Variants in KLF7 observed in about 807,000 individuals in gnomAD.
The protein encoded by KLF7 is KLF transcription factor 7.
In KLF7, 2 loss-of-function variants were observed where a neutral mutation model predicts 27.3. The ratio of observed to expected loss-of-function variants is 0.07; its 90% CI spans 0.03 to 0.23. KLF7 has a LOEUF of 0.23. KLF7 is among the 10% of genes least tolerant of loss of function. KLF7 has a pLI of 1.00. For missense variants in KLF7, 221 were observed against 394.1 expected, an observed-to-expected ratio of 0.56 and a Z score of 3.72; for synonymous variants, 165 against 162.4, an observed-to-expected ratio of 1.02 and a Z score of -0.12.
chr2:207,126,608 T>C (rs2077481787), intron 1 of KLF7, among the ~76,000 whole-genome samples: 1 of 152,154 alleles, frequency 6.6e-6, no homozygotes, highest in Non-Finnish European at 1.5e-5. Flanking sequence ...AAAATCAGTA[T>C]GCCTGGGCAA....
chr2:207,157,930 A>T (rs1254976859), intron 1 of KLF7, among the ~76,000 whole-genome samples: 1 of 152,154 alleles, frequency 6.6e-6, no homozygotes, highest in Non-Finnish European at 1.5e-5. Context: ...CCGTGGAAGA[A>T]GTTGATGAGT....
intron 2 of KLF7, among the ~76,000 whole-genome samples, chr2:207,110,778 G>A (rs939869275): frequency 5.9e-5 from 9 of 152,288 alleles, no homozygotes; most frequent in Admixed American, 1.3e-4. Flanking sequence ...TTTCCATTTA[G>A]TCAATATTGT....
At chr2:207,108,371 C>T (rs2076937349) in intron 2 of KLF7, among the ~76,000 whole-genome samples, 1 of 152,130 alleles carries the variant, frequency 6.6e-6, no homozygotes, top group Admixed American at 6.5e-5. Flanking sequence ...AGATTATTTC[C>T]ACGGCAGGTA....
chr2:207,087,335 A>G (rs991575853), intron 3 of KLF7, among the ~76,000 whole-genome samples: 1 of 152,150 alleles, frequency 6.6e-6, no homozygotes, highest in African/African-American at 2.4e-5. Context: ...GAAGAAAAAC[A>G]TAACTGCTCC....
intron 1 of KLF7, among the ~76,000 whole-genome samples, chr2:207,156,022 C>A (rs938435657): frequency 6.6e-6 from 1 of 152,204 alleles, no homozygotes; most frequent in African/African-American, 2.4e-5. Flanking sequence ...CCTTGCAGGG[C>A]AATTGCTCCA....
chr2:207,105,827 C>T (rs752837334), intron 2 of KLF7, among the ~76,000 whole-genome samples: 13 of 152,146 alleles, frequency 8.5e-5, no homozygotes, highest in Non-Finnish European at 1.6e-4. Flanking sequence ...CAGACCTGCA[C>T]GATCCAGTCT....
Position 207,078,554 on chromosome 2 carries a change from G to A in KLF7, c.*2659C>T, listed in dbSNP as rs2076215128. ...AAACCCTTAATAATAGCATTCGAGAGGCAAGAGCAGCTCCAGCTTGGGAGA... is the reference window on the plus strand; with the variant it reads ...AAACCCTTAATAATAGCATTCGAGAAGCAAGAGCAGCTCCAGCTTGGGAGA... On this transcript the variant is annotated 3_prime_UTR_variant, in exon 4 of 4. Transcript: ENST00000309446. 1 of 152,252 alleles carries A rather than the reference G, an allele frequency of 6.6e-6. No individual in the cohort carries two copies. Among genetic ancestry groups the A allele is most frequent in the African/African-American group, 2.4e-5 (1 of 41,464 alleles). 9.4% of individuals were successfully genotyped at this position (152,252 alleles called of 1,614,324 possible). A position where few individuals can be genotyped will look rare whatever the true frequency, so the allele number is the denominator to read the frequency against.
At chr2:207,081,695 T>C (rs1483500014) in intron 3 of KLF7, among the ~76,000 whole-genome samples, 7 of 152,150 alleles carry the variant, frequency 4.6e-5, no homozygotes, top group Non-Finnish European at 8.8e-5. Flanking sequence ...CATGCCTGCA[T>C]ACTGTAAATA....
intron 1 of KLF7, chr2:207,134,159 T>TTC: frequency 4.1e-6 from 6 of 1,470,324 alleles, no homozygotes; most frequent in Non-Finnish European, 5.4e-6. Flanking sequence ...CTGGGATTTT[T>TTC]TTTTTTTTTT....
chr2:207,096,031 G>A (rs1368766233), intron 2 of KLF7, among the ~76,000 whole-genome samples: 3 of 152,030 alleles, frequency 2.0e-5, no homozygotes, highest in Non-Finnish European at 2.9e-5. Context: ...AAACCCCATC[G>A]ACTCAAGCTT....
intron 2 of KLF7, among the ~76,000 whole-genome samples, chr2:207,104,445 C>T (rs1260760397): frequency 1.3e-5 from 2 of 152,184 alleles, no homozygotes; most frequent in African/African-American, 4.8e-5. Context: ...ACTTGTGGTC[C>T]AATTCCACCC....
chr2:207,145,751 T>C (rs1182890736), intron 1 of KLF7, among the ~76,000 whole-genome samples: 2 of 152,184 alleles, frequency 1.3e-5, no homozygotes, highest in African/African-American at 4.8e-5. Flanking sequence ...GGTCCACCTC[T>C]AGACTTTAAG....
intron 2 of KLF7, among the ~76,000 whole-genome samples, chr2:207,111,967 G>C (rs944634338): frequency 6.6e-6 from 1 of 151,888 alleles, no homozygotes; most frequent in Non-Finnish European, 1.5e-5. Context: ...TTTTCAATCT[G>C]TATCCTGCTT....
intron 3 of KLF7, among the ~76,000 whole-genome samples, chr2:207,083,117 A>T (rs2076312980): frequency 6.6e-6 from 1 of 152,242 alleles, no homozygotes; most frequent in South Asian, 2.1e-4. Context: ...CGATGCCTCT[A>T]AAGGGGGTTT....
intron 1 of KLF7, among the ~76,000 whole-genome samples, chr2:207,125,317 C>T (rs949520357): frequency 4.6e-5 from 7 of 152,128 alleles, no homozygotes; most frequent in African/African-American, 1.7e-4. Context: ...TGGCAAAAGT[C>T]GATATTTAAG....
chr2:207,130,062 G>A (rs988712088), intron 1 of KLF7, among the ~76,000 whole-genome samples: 18 of 152,234 alleles, frequency 1.2e-4, no homozygotes, highest in African/African-American at 4.1e-4. Context: ...CACCAATTAC[G>A]TGGAACTTGC....
chr2:207,116,364 A>AT (rs2077187787), intron 2 of KLF7, among the ~76,000 whole-genome samples: 2 of 152,304 alleles, frequency 1.3e-5, no homozygotes, highest in Non-Finnish European at 2.9e-5. Flanking sequence ...TTATATTTTA[A>AT]TTTTTTTAAA....
At chr2:207,103,690 C>A (rs2076817581) in intron 2 of KLF7, among the ~76,000 whole-genome samples, 1 of 152,182 alleles carries the variant, frequency 6.6e-6, no homozygotes, top group African/African-American at 2.4e-5. Flanking sequence ...CTAGCTGTTA[C>A]CACTTATGAT....
intron 1 of KLF7, among the ~76,000 whole-genome samples, chr2:207,132,384 G>A (rs1168029873): frequency 6.6e-6 from 1 of 152,226 alleles, no homozygotes; most frequent in Non-Finnish European, 1.5e-5. Context: ...AATTTTGAGA[G>A]ACAATGCTGT....
Sources: gnomAD v4.1 joint callset for allele counts (sites outside exome capture counted in the v4.1 genomes callset) on GRCh38, gnomAD v4.1.1 for gene constraint, MANE v1.5 for transcripts, NCBI Gene and HGNC (gene_info 2026-07-23, HGNC 2026-07-21) for gene names.